Variants in FOXO3 observed in about 807,000 individuals in gnomAD.
FOXO3 encodes forkhead box protein O3.
FOXO3 carries 4 observed loss-of-function variants against 41.9 expected under a neutral mutation model. The ratio of observed to expected loss-of-function variants is 0.10; its 90% CI spans 0.05 to 0.22. FOXO3 has a LOEUF of 0.22. Among genes scored for constraint, FOXO3 ranks in the 10% least tolerant of loss-of-function variants. The probability of loss-of-function intolerance (pLI) is 1.00; values close to 1 mark genes in which losing one functional copy is unlikely to be tolerated. For missense variants in FOXO3, 534 were observed against 906.8 expected (o/e 0.59, Z 5.28); for synonymous variants, 318 against 389.3 (o/e 0.82, Z 2.16).
At chr6:108,639,216 G>GCT (rs1372217688) in intron 1 of FOXO3, among the ~76,000 whole-genome samples, 1 of 152,188 alleles carries the variant, frequency 6.6e-6, no homozygotes, top group Non-Finnish European at 1.5e-5. Context: ...GGTGAGAGAA[G>GCT]AGCACTGGGT....
At chr6:108,672,806 GTC>G (rs1254389921) in intron 2 of FOXO3, among the ~76,000 whole-genome samples, 1 of 150,710 alleles carries the variant, frequency 6.6e-6, no homozygotes, top group Non-Finnish European at 1.5e-5. Flanking sequence ...TTCCTGCTTT[GTC>G]TCTGATGCAA....
chr6:108,572,928 G>A (rs1290713285), intron 1 of FOXO3, among the ~76,000 whole-genome samples: 3 of 152,090 alleles, frequency 2.0e-5, no homozygotes, highest in Non-Finnish European at 2.9e-5. Flanking sequence ...GGGAGCATCT[G>A]CCTTTTCTAG....
chr6:108,680,214 A>T lies in FOXO3; in HGVS notation c.*422A>T, dbSNP rs1421193569. ...TCCTTTGACTTTCTGAGTTTTTCAC[A>T]TGCATTAACTTGCGGTATTTTTCTG... On this transcript the variant is annotated 3_prime_UTR_variant, in exon 3 of 3. Transcript: ENST00000406360. 6.6e-6 allele frequency: 1 copy of T among 152,578 alleles called. No individual in the cohort carries two copies. Among genetic ancestry groups the T allele is most frequent in the Non-Finnish European group, 1.5e-5 (1 of 68,024 alleles). 9.5% of individuals were successfully genotyped at this position (152,578 alleles called of 1,614,324 possible). A position where few individuals can be genotyped will look rare whatever the true frequency, so the allele number is the denominator to read the frequency against.
At chr6:108,566,913 C>G (rs959035572) in intron 1 of FOXO3, among the ~76,000 whole-genome samples, 5 of 152,210 alleles carry the variant, frequency 3.3e-5, no homozygotes, top group Non-Finnish European at 7.3e-5. Flanking sequence ...AGAGAAAACC[C>G]TTTTTACCCA....
At chr6:108,624,440 C>G (rs1015892961) in intron 1 of FOXO3, among the ~76,000 whole-genome samples, 1 of 152,098 alleles carries the variant, frequency 6.6e-6, no homozygotes, top group Non-Finnish European at 1.5e-5. Flanking sequence ...CCTGTTTTAT[C>G]AGGCCAGTAG....
At chr6:108,616,156 G>GT (rs35632295) in intron 1 of FOXO3, among the ~76,000 whole-genome samples, 760 of 55,164 alleles carry the variant, frequency 0.014, 56 homozygotes, top group African/African-American at 0.034. Context: ...CCCAACTAAG[G>GT]TTTTTTTTTT....
intron 1 of FOXO3, among the ~76,000 whole-genome samples, chr6:108,615,391 G>A (rs1399862882): frequency 6.6e-6 from 1 of 151,788 alleles, no homozygotes; most frequent in African/African-American, 2.4e-5. Flanking sequence ...TAGATTGGTA[G>A]CTTTTTCCCT....
intron 1 of FOXO3, chr6:108,639,455 G>A: frequency 1.5e-6 from 1 of 645,920 alleles, no homozygotes; most frequent in African/African-American, 2.0e-5. Flanking sequence ...ATGAAAGAAA[G>A]CCAATAAGAC....
chr6:108,618,496 G>A (rs189815445), intron 1 of FOXO3, among the ~76,000 whole-genome samples: 53 of 152,346 alleles, frequency 3.5e-4, no homozygotes, highest in African/African-American at 1.0e-3. Context: ...AAGTTACTTG[G>A]AATCAGTGGT....
chr6:108,639,274 T>A (rs901077887), intron 1 of FOXO3, among the ~76,000 whole-genome samples: 3 of 152,174 alleles, frequency 2.0e-5, no homozygotes, highest in African/African-American at 7.2e-5. Flanking sequence ...CATAATCTCT[T>A]TCCTGGACCT....
intron 2 of FOXO3, among the ~76,000 whole-genome samples, chr6:108,668,748 C>A (rs1779128909): frequency 6.6e-6 from 1 of 152,166 alleles, no homozygotes; most frequent in Admixed American, 6.5e-5. Flanking sequence ...TCTGCCACAT[C>A]ACTCAATCTT....
chr6:108,561,266 C>T lies in FOXO3; in HGVS notation c.58C>T (p.Pro20Ser). 6.4e-7 allele frequency: 1 copy of T among 1,565,628 alleles called. No homozygotes were observed. Among genetic ancestry groups the T allele is most frequent in the Non-Finnish European group, 8.6e-7 (1 of 1,158,144 alleles). The change falls in exon 1 of 3, where the codon CCG becomes TCG. Residue 20 changes from proline (P) to serine (S), a missense_variant. Pro to Ser is a moderately conservative substitution (Grantham distance 74, BLOSUM62 -1). Coordinates refer to ENST00000406360, the MANE Select transcript of FOXO3 (RefSeq NM_001455.4). ...PLSPLEVELD[P>S]EFEPQSRPRS... Reference sequence around the variant, plus strand: ...CTCTCCGCTCGAAGTGGAGCTGGACCCGGAGTTCGAGCCCCAGAGCCGTCC... The same window carrying T: ...CTCTCCGCTCGAAGTGGAGCTGGACTCGGAGTTCGAGCCCCAGAGCCGTCC...
intron 1 of FOXO3, among the ~76,000 whole-genome samples, chr6:108,596,382 GAAAAAAAAA>G (rs61683111): frequency 5.1e-5 from 3 of 58,294 alleles, no homozygotes; most frequent in Non-Finnish European, 7.3e-5. Context: ...TGGCCTAAAT[GAAAAAAAAA>G]AAAAAAAAAA....
chr6:108,665,487 A>T (rs1437673016), intron 2 of FOXO3, among the ~76,000 whole-genome samples: 1 of 152,202 alleles, frequency 6.6e-6, no homozygotes, highest in Non-Finnish European at 1.5e-5. Flanking sequence ...TTATCTTAGT[A>T]CTAAGCATCT....
rs1169538345 is a variant in FOXO3, at chr6:108,572,124, G to T, written c.621+10295G>T. Among the ~76,000 whole-genome samples the T allele has an allele frequency of 2.0e-5, 3 of 152,154 alleles. No individual in the cohort carries two copies. The East Asian group carries it at 5.8e-4, about 29-fold the overall frequency. ...TCTCTGCCTGTTTTGTGAACTGACA[G>T]TATGGCCGTGCTTGTTGATTGTGGA... On this transcript the variant is annotated intron_variant, in intron 1 of 2. Transcript: ENST00000406360.
In FOXO3 at chr6:108,571,144, A is replaced by T. The variant is rs778890530; in HGVS notation, c.621+9315A>T. Among the ~76,000 whole-genome samples the T allele has an allele frequency of 6.0e-4, 91 of 152,234 alleles. 2 individuals carry two copies. The highest frequency in any genetic ancestry group is 6.6e-4 in the Non-Finnish European group (45 of 68,050). On this transcript the variant is annotated intron_variant, in intron 1 of 2. Coordinates refer to ENST00000406360, the MANE Select transcript of FOXO3 (RefSeq NM_001455.4). ...CTTTTGATATTTTCCAAAGCTTCACAGTTGCTCATGGGTGAGAGAAATGTA... is the reference window on the plus strand; with the variant it reads ...CTTTTGATATTTTCCAAAGCTTCACTGTTGCTCATGGGTGAGAGAAATGTA...
chr6:108,573,146 G>A (rs537061894), intron 1 of FOXO3, among the ~76,000 whole-genome samples: 2 of 152,248 alleles, frequency 1.3e-5, no homozygotes, highest in East Asian at 3.9e-4. Flanking sequence ...AATTAGCTGG[G>A]TGTGGTGGCG....
intron 2 of FOXO3, among the ~76,000 whole-genome samples, chr6:108,675,535 C>T (rs1376631845): frequency 2.0e-5 from 3 of 152,194 alleles, no homozygotes; most frequent in Non-Finnish European, 4.4e-5. Context: ...ACTTCCTTGT[C>T]AGATTGCATT....
chr6:108,631,177 T>C (rs1403048031), intron 1 of FOXO3, among the ~76,000 whole-genome samples: 2 of 152,228 alleles, frequency 1.3e-5, no homozygotes, highest in Non-Finnish European at 2.9e-5. Flanking sequence ...GTACATTTAC[T>C]CATATTCATT....
Sources: allele counts gnomAD v4.1 joint callset (sites outside exome capture counted in the v4.1 genomes callset), GRCh38; gene constraint gnomAD v4.1.1; transcripts MANE v1.5; gene names NCBI Gene and HGNC (gene_info 2026-07-23, HGNC 2026-07-21).